Variants in ST6GAL1 observed in about 807,000 individuals in gnomAD.
The protein encoded by ST6GAL1 is beta-galactoside alpha-2,6-sialyltransferase 1.
ST6GAL1 carries 20 observed loss-of-function variants against 38.0 expected under a neutral mutation model. The ratio of observed to expected loss-of-function variants is 0.53; its 90% CI spans 0.37 to 0.77. ST6GAL1 has a LOEUF of 0.77. ST6GAL1 is among the 30% of genes least tolerant of loss of function. ST6GAL1 has a pLI of 0.00. For missense variants in ST6GAL1, 432 were observed against 496.4 expected (o/e 0.87, Z 1.23); for synonymous variants, 196 against 188.2 (o/e 1.04, Z -0.34).
chr3:187,071,473 G>A (rs887234758), intron 5 of ST6GAL1, among the ~76,000 whole-genome samples: 2 of 151,396 alleles, frequency 1.3e-5, no homozygotes, highest in African/African-American at 4.9e-5. Flanking sequence ...GGGCCGGCCG[G>A]GCGCGGTGGC....
intron 2 of ST6GAL1, among the ~76,000 whole-genome samples, chr3:186,968,985 C>T (rs1715245547): frequency 1.3e-5 from 2 of 151,884 alleles, no homozygotes; most frequent in African/African-American, 4.8e-5. Flanking sequence ...CCAGGCACTT[C>T]ACTTCCTTGC....
intron 2 of ST6GAL1, among the ~76,000 whole-genome samples, chr3:186,971,299 C>T (rs1308526239): frequency 6.6e-6 from 1 of 152,216 alleles, no homozygotes; most frequent in South Asian, 2.1e-4. Context: ...CCATGTTGGC[C>T]AGTGGCCAGT....
At chr3:186,988,131 G>C (rs1285455530) in intron 2 of ST6GAL1, among the ~76,000 whole-genome samples, 2 of 152,174 alleles carry the variant, frequency 1.3e-5, no homozygotes, top group Admixed American at 6.5e-5. Context: ...ATTGACATTG[G>C]TTGTGGTGGT....
At chr3:186,981,212 G>A (rs562536080) in intron 2 of ST6GAL1, among the ~76,000 whole-genome samples, 27 of 152,360 alleles carry the variant, frequency 1.8e-4, no homozygotes, top group South Asian at 4.1e-4. Flanking sequence ...GCCGCAGTGA[G>A]GACAGTGAGC....
intron 2 of ST6GAL1, chr3:187,038,289 T>G (rs1718006115): frequency 6.9e-6 from 1 of 145,414 alleles, no homozygotes; most frequent in South Asian, 2.4e-4. Context: ...CACTGCAACC[T>G]CCGCCTCCCG....
chr3:187,054,369 T>C (rs1342755809), intron 5 of ST6GAL1, among the ~76,000 whole-genome samples: 2 of 152,194 alleles, frequency 1.3e-5, no homozygotes, highest in African/African-American at 4.8e-5. Flanking sequence ...GGCATCCCTG[T>C]CTTGTGCTAG....
At chr3:186,942,994 T>A (rs777671542) in intron 1 of ST6GAL1, among the ~76,000 whole-genome samples, 59 of 152,340 alleles carry the variant, frequency 3.9e-4, no homozygotes, top group Non-Finnish European at 6.9e-4. Context: ...TGAGCCACTG[T>A]GCCGGGACTG....
rs1719629550 is a variant in ST6GAL1 at position 187,078,297 on chromosome 3, T to G, written c.*2494T>G. 1 of 152,482 alleles carries G rather than the reference T, an allele frequency of 6.6e-6. No individual in the cohort carries two copies. The highest frequency in any genetic ancestry group is 2.4e-5 in the African/African-American group (1 of 41,458). 9.4% of individuals were successfully genotyped at this position (152,482 alleles called of 1,614,324 possible). Reference sequence around the variant, plus strand: ...TATGATATGGACGTTATCATTGGTCTGGTGAGATGTTTCATATTTGTGACA... The same window carrying G: ...TATGATATGGACGTTATCATTGGTCGGGTGAGATGTTTCATATTTGTGACA... On this transcript the variant is annotated 3_prime_UTR_variant, in exon 8 of 8. Coordinates refer to ENST00000169298, the MANE Select transcript of ST6GAL1 (RefSeq NM_173216.2).
chr3:186,957,666 TTCTTGACAGGAGAAAA>T lies in ST6GAL1; in HGVS notation c.-324-6116_-324-6101del, dbSNP rs374847663. On this transcript the variant is annotated intron_variant, in intron 1 of 7. Transcript: ENST00000169298. ...AAAAGACATACACCAGAAGAAAAGC[TTCTTGACAGGAGAAAA>T]TCCTCCCCCCAACCAAATGGATTAT... Among the ~76,000 whole-genome samples the T allele has an allele frequency of 8.0e-3, 1,225 of 152,196 alleles. 18 individuals are homozygous for T. The highest frequency in any genetic ancestry group is 0.028 in the African/African-American group (1,154 of 41,496).
intron 1 of ST6GAL1, among the ~76,000 whole-genome samples, chr3:186,951,633 C>T (rs1714580880): frequency 6.6e-6 from 1 of 152,160 alleles, no homozygotes; most frequent in South Asian, 2.1e-4. Flanking sequence ...GACTGTTTCG[C>T]ACCTTTTTCT....
At chr3:187,064,702 G>A (rs1719037546) in intron 5 of ST6GAL1, 10 of 447,714 alleles carry the variant, frequency 2.2e-5, no homozygotes, top group South Asian at 1.3e-4. Flanking sequence ...GCCGCTCCAT[G>A]ACAGCACTTG....
intron 2 of ST6GAL1, among the ~76,000 whole-genome samples, chr3:187,010,853 A>T (rs201867444): frequency 3.1e-4 from 47 of 152,284 alleles, no homozygotes; most frequent in Admixed American, 2.2e-3. Context: ...CTTTCCTGTA[A>T]CCATTCATCC....
At chr3:187,023,150 T>G (rs1022060660) in intron 2 of ST6GAL1, among the ~76,000 whole-genome samples, 2 of 152,182 alleles carry the variant, frequency 1.3e-5, no homozygotes, top group Non-Finnish European at 2.9e-5. Flanking sequence ...GTGGGGGGCT[T>G]AGGATTTTAT....
At chr3:186,941,877 T>C (rs1207588000) in intron 1 of ST6GAL1, among the ~76,000 whole-genome samples, 3 of 151,932 alleles carry the variant, frequency 2.0e-5, no homozygotes, top group African/African-American at 7.3e-5. Context: ...CCCGGCGTGG[T>C]TGTGGGTGGC....
chr3:187,026,742 A>C (rs1433383908), intron 2 of ST6GAL1, among the ~76,000 whole-genome samples: 1 of 152,200 alleles, frequency 6.6e-6, no homozygotes, highest in Admixed American at 6.5e-5. Context: ...ATCAGTAGTT[A>C]CGTAAAATAC....
chr3:187,064,907 A>G (rs531056998), intron 5 of ST6GAL1, among the ~76,000 whole-genome samples: 1 of 152,230 alleles, frequency 6.6e-6, no homozygotes, highest in African/African-American at 2.4e-5. Flanking sequence ...CCCAGAAGTC[A>G]CTGAGAGAAT....
intron 2 of ST6GAL1, among the ~76,000 whole-genome samples, chr3:186,988,908 A>AGACCCT (rs1716053723): frequency 6.6e-6 from 1 of 152,146 alleles, no homozygotes; most frequent in Admixed American, 6.5e-5. Context: ...AGCCAGAGCC[A>AGACCCT]GACCCTGTGT....
chr3:187,014,777 C>T (rs1309789055), intron 2 of ST6GAL1, among the ~76,000 whole-genome samples: 1 of 152,188 alleles, frequency 6.6e-6, no homozygotes, highest in African/African-American at 2.4e-5. Context: ...AGTGACTTTT[C>T]CTGAGATCTT....
At chr3:187,002,531 A>C (rs1373487541) in intron 2 of ST6GAL1, among the ~76,000 whole-genome samples, 1 of 152,084 alleles carries the variant, frequency 6.6e-6, no homozygotes, top group Non-Finnish European at 1.5e-5. Context: ...ATGGCCTTGC[A>C]CTCTGTGAGG....
Sources: allele counts gnomAD v4.1 joint callset (sites outside exome capture counted in the v4.1 genomes callset), GRCh38; gene constraint gnomAD v4.1.1; transcripts MANE v1.5; gene names NCBI Gene and HGNC (gene_info 2026-07-23, HGNC 2026-07-21).